The following ADAMTS17 variants were observed in gnomAD, a reference collection of about 807,000 sequenced individuals.
The protein encoded by ADAMTS17 is A disintegrin and metalloproteinase with thrombospondin motifs 17.
In ADAMTS17, 113 loss-of-function variants were observed where a neutral mutation model predicts 141.5. That is an observed-to-expected ratio of 0.80 (90% CI 0.69 to 0.93). The LOEUF (loss-of-function observed/expected upper bound fraction) is 0.93. Among genes scored for constraint, ADAMTS17 ranks in the 40% least tolerant of loss-of-function variants. The probability of loss-of-function intolerance (pLI) is 0.00; values close to 1 mark genes in which losing one functional copy is unlikely to be tolerated. For missense variants in ADAMTS17, 1,659 were observed against 1,517.9 expected, an observed-to-expected ratio of 1.09 and a Z score of -1.54; for synonymous variants, 768 against 630.6, an observed-to-expected ratio of 1.22 and a Z score of -3.27.
chr15:100,094,175 G>T (rs188282340), intron 15 of ADAMTS17, among the ~76,000 whole-genome samples: 3 of 152,234 alleles, frequency 2.0e-5, no homozygotes, highest in African/African-American at 7.2e-5. Context: ...TGAAGCGAAC[G>T]TGTGCTTATT....
intron 15 of ADAMTS17, among the ~76,000 whole-genome samples, chr15:100,071,659 A>G (rs1251470897): frequency 6.6e-6 from 1 of 150,496 alleles, no homozygotes; most frequent in Non-Finnish European, 1.5e-5. Context: ...GACAAAAACC[A>G]CATGATTATC....
intron 3 of ADAMTS17, among the ~76,000 whole-genome samples, chr15:100,294,335 C>T (rs1002370561): frequency 1.3e-5 from 2 of 152,152 alleles, no homozygotes; most frequent in African/African-American, 2.4e-5. Context: ...TGAACACTCA[C>T]CAAAAACTTG....
intron 8 of ADAMTS17, among the ~76,000 whole-genome samples, chr15:100,169,010 T>TGG (rs148630374): frequency 1.2e-4 from 18 of 152,164 alleles, no homozygotes; most frequent in East Asian, 9.7e-4. Flanking sequence ...AGCGCGGTGG[T>TGG]GGTGGGGGCA....
At chr15:100,105,204 G>A (rs2036340354) in intron 14 of ADAMTS17, among the ~76,000 whole-genome samples, 1 of 152,248 alleles carries the variant, frequency 6.6e-6, no homozygotes, top group African/African-American at 2.4e-5. Context: ...TTACCAGGGT[G>A]CAGCCACCCG....
rs1163472587 is a variant in ADAMTS17, at chr15:100,108,971, G to A, written c.2016+18C>T. The A allele has an allele frequency of 4.3e-6, 7 of 1,613,438 alleles. No homozygotes were observed. Among genetic ancestry groups the A allele is most frequent in the Non-Finnish European group, 5.9e-6 (7 of 1,179,896 alleles). On this transcript the variant is annotated intron_variant, in intron 14 of 21. Transcript: ENST00000268070. ...CCTCTCCAAAGCCCCACCAAGGACC[G>A]AAGGAGAAGTACGTCACCTGGCACT...
intron 18 of ADAMTS17, among the ~76,000 whole-genome samples, chr15:100,011,910 T>C (rs1596226234): frequency 6.6e-6 from 1 of 152,338 alleles, no homozygotes; most frequent in South Asian, 2.1e-4. Flanking sequence ...ACATACCCAG[T>C]GGTGGGATTG....
At chr15:100,166,805 T>C (rs2039968202) in intron 8 of ADAMTS17, among the ~76,000 whole-genome samples, 2 of 152,154 alleles carry the variant, frequency 1.3e-5, no homozygotes, top group African/African-American at 2.4e-5. Flanking sequence ...ATTTAAGGCG[T>C]AGTTGTTCTT....
chr15:100,317,239 G>A (rs1008091538), intron 3 of ADAMTS17, among the ~76,000 whole-genome samples: 3 of 152,204 alleles, frequency 2.0e-5, no homozygotes, highest in African/African-American at 7.2e-5. Context: ...GGCAGGGTCT[G>A]AGCTTCTCCT....
intron 12 of ADAMTS17, among the ~76,000 whole-genome samples, chr15:100,121,871 A>C (rs1045639081): frequency 1.3e-5 from 2 of 152,008 alleles, no homozygotes; most frequent in Non-Finnish European, 2.9e-5. Flanking sequence ...GTAGCTTCCA[A>C]GCACACCAAC....
intron 10 of ADAMTS17, among the ~76,000 whole-genome samples, chr15:100,135,250 G>A (rs1467372931): frequency 6.6e-6 from 1 of 151,468 alleles, no homozygotes; most frequent in East Asian, 1.9e-4. Flanking sequence ...GATAAAGTAA[G>A]AAAACTAATG....
intron 18 of ADAMTS17, among the ~76,000 whole-genome samples, chr15:100,024,302 C>A (rs1367783545): frequency 2.6e-5 from 4 of 152,156 alleles, no homozygotes; most frequent in African/African-American, 9.7e-5. Context: ...CATTTTGTTG[C>A]CCTGGCTGGT....
At chr15:100,199,872 T>TC (rs1322024292) in intron 7 of ADAMTS17, among the ~76,000 whole-genome samples, 2 of 152,124 alleles carry the variant, frequency 1.3e-5, no homozygotes, top group African/African-American at 4.8e-5. Context: ...AGGCCCTGAC[T>TC]CCCCTCAGGC....
intron 15 of ADAMTS17, among the ~76,000 whole-genome samples, chr15:100,077,773 C>A (rs963522316): frequency 6.6e-6 from 1 of 152,010 alleles, no homozygotes. Flanking sequence ...GGCAACTAGG[C>A]AAGGAAAAGA....
At position 100,133,213 on chromosome 15, in the gene ADAMTS17, C is replaced by T. The variant is rs755208325; in HGVS notation, c.1575+1G>A. ...GGGGGCAGTGGGAAGTCAGAGGTTA[C>T]CTTGTCTGCCCCACACTCGGTGCCA... is the stretch of plus-strand genomic sequence containing the variant. On this transcript the variant is annotated splice_donor_variant, in intron 11 of 21. Coordinates refer to ENST00000268070, the MANE Select transcript of ADAMTS17 (RefSeq NM_139057.4). LOFTEE classifies it high-confidence loss of function. The T allele has an allele frequency of 1.9e-6, 3 of 1,585,866 alleles. No individual in the cohort carries two copies. Among genetic ancestry groups the T allele is most frequent in the African/African-American group, 1.3e-5 (1 of 74,566 alleles).
intron 8 of ADAMTS17, among the ~76,000 whole-genome samples, chr15:100,156,128 G>A (rs1339729210): frequency 6.6e-6 from 1 of 152,218 alleles, no homozygotes; most frequent in East Asian, 1.9e-4. Context: ...CCAAGTGCCA[G>A]GTAACGGACC....
At chr15:100,314,209 G>A (rs980835644) in intron 3 of ADAMTS17, among the ~76,000 whole-genome samples, 5 of 152,344 alleles carry the variant, frequency 3.3e-5, no homozygotes, top group African/African-American at 7.2e-5. Flanking sequence ...GAGAAGACTC[G>A]GAAGACATGA....
rs2032782652 is a variant in ADAMTS17 at position 100,058,227 on chromosome 15, C to CCCCTATCCCGGCTCTAACCG, written c.2138-4174_2138-4173insCGGTTAGAGCCGGGATAGGG. Among the ~76,000 whole-genome samples, 2 of 37,648 alleles carry CCCCTATCCCGGCTCTAACCG rather than the reference C, an allele frequency of 5.3e-5. 1 individual carries two copies. Among genetic ancestry groups the CCCCTATCCCGGCTCTAACCG allele is most frequent in the Non-Finnish European group, 1.4e-4 (2 of 13,840 alleles). 24.7% of individuals were successfully genotyped at this position (37,648 alleles called of 152,430 possible). The stretch of plus-strand genomic sequence containing the variant: ...CAACACCCCTATTCCGGCTCCAACA[C>CCCCTATCCCGGCTCTAACCG]TCCTATCCCAGCTCTGACCCTCCTA... On this transcript the variant is annotated intron_variant, in intron 15 of 21. Coordinates refer to ENST00000268070, the MANE Select transcript of ADAMTS17 (RefSeq NM_139057.4).
intron 8 of ADAMTS17, among the ~76,000 whole-genome samples, chr15:100,176,641 T>C (rs887314969): frequency 1.3e-5 from 2 of 152,210 alleles, no homozygotes; most frequent in African/African-American, 4.8e-5. Flanking sequence ...AAACCACTTA[T>C]ACATGCGTTC....
intron 18 of ADAMTS17, among the ~76,000 whole-genome samples, chr15:100,031,658 G>A (rs958563884): frequency 4.6e-5 from 7 of 152,178 alleles, no homozygotes; most frequent in Non-Finnish European, 8.8e-5. Context: ...TCTCATTTTC[G>A]ACATAATGCC....
Sources: gnomAD v4.1 joint callset for allele counts (sites outside exome capture counted in the v4.1 genomes callset) on GRCh38, gnomAD v4.1.1 for gene constraint, MANE v1.5 for transcripts, NCBI Gene and HGNC (gene_info 2026-07-23, HGNC 2026-07-21) for gene names.